The following SPACA7 variants were observed in gnomAD, a reference collection of about 807,000 sequenced individuals.
SPACA7 encodes the protein sperm acrosome associated 7.
In SPACA7, 19 loss-of-function variants were observed where a neutral mutation model predicts 26.3. The ratio of observed to expected loss-of-function variants is 0.72; its 90% CI spans 0.50 to 1.06. The LOEUF (loss-of-function observed/expected upper bound fraction) is 1.06. Among genes scored for constraint, SPACA7 ranks in the 50% least tolerant of loss-of-function variants. SPACA7 has a pLI of 0.00. For synonymous variants in SPACA7, 84 were observed against 84.5 expected (o/e 0.99, Z 0.04); for missense variants, 211 against 229.9 (o/e 0.92, Z 0.53).
intron 5 of SPACA7, among the ~76,000 whole-genome samples, chr13:112,404,504 A>G (rs568834891): frequency 6.6e-6 from 1 of 152,260 alleles, no homozygotes; most frequent in African/African-American, 2.4e-5. Flanking sequence ...AAATGTCTAG[A>G]AGGTTTTTTT....
intron 2 of SPACA7, among the ~76,000 whole-genome samples, chr13:112,395,053 G>A (rs1417863786): frequency 2.0e-5 from 3 of 152,222 alleles, no homozygotes; most frequent in Non-Finnish European, 4.4e-5. Flanking sequence ...AGAGCTTGCT[G>A]TGGGAGGGCA....
intron 5 of SPACA7, among the ~76,000 whole-genome samples, chr13:112,431,896 T>A (rs924581274): frequency 4.6e-5 from 7 of 152,308 alleles, no homozygotes; most frequent in Admixed American, 2.0e-4. Flanking sequence ...TGGGGGGACT[T>A]GGAGCCACTC....
In SPACA7 at chr13:112,383,064, CAGAA is replaced by C. The variant is rs1271270144; in HGVS notation, c.94+6589_94+6592del. The stretch of plus-strand genomic sequence containing the variant: ...AGAAAGACAGAAGGAAAGAAAGAGA[CAGAA>C]AGAGAAAGAAAGAAAAAGAAAGAAA... On this transcript the variant is annotated intron_variant, in intron 1 of 6. Transcript: ENST00000283550. Among the ~76,000 whole-genome samples the C allele has an allele frequency of 2.5e-4, 13 of 52,994 alleles. No individual in the cohort carries two copies. In the South Asian group the frequency reaches 7.5e-3, roughly 30 times the overall value. 34.8% of individuals were successfully genotyped at this position (52,994 alleles called of 152,430 possible). A position where few individuals can be genotyped will look rare whatever the true frequency, so the allele number is the denominator to read the frequency against.
intron 5 of SPACA7, among the ~76,000 whole-genome samples, chr13:112,425,468 A>G (rs868106035): frequency 6.6e-6 from 1 of 152,244 alleles, no homozygotes. Flanking sequence ...GAGTGCCCTG[A>G]CTCTGCTCCC....
rs897834625 is a variant in SPACA7, at chr13:112,399,911, G to C, written c.349+738G>C. Among the ~76,000 whole-genome samples, 3 of 152,300 alleles carry C rather than the reference G, an allele frequency of 2.0e-5. No individual in the cohort carries two copies. The East Asian group carries it at 5.8e-4, about 29-fold the overall frequency. ...TACATCTTCACATGGAGACAGGAGA[G>C]AGAGAGTGAAGGGGGAGGTGCCACA... is the stretch of plus-strand genomic sequence containing the variant. On this transcript the variant is annotated intron_variant, in intron 4 of 6. Transcript: ENST00000283550.
At position 112,399,020 on chromosome 13, in the gene SPACA7, A is replaced by G. The variant is rs531821845; in HGVS notation, c.242-46A>G. 6.0e-6 allele frequency: 7 copies of G among 1,174,712 alleles called. No individual in the cohort carries two copies. The South Asian group carries it at 7.5e-5, about 13-fold the overall frequency. 72.8% of individuals were successfully genotyped at this position (1,174,712 alleles called of 1,614,324 possible). A position where few individuals can be genotyped will look rare whatever the true frequency, so the allele number is the denominator to read the frequency against. On this transcript the variant is annotated intron_variant, in intron 3 of 6. Coordinates refer to ENST00000283550, the MANE Select transcript of SPACA7 (RefSeq NM_145248.5). Reference sequence around the variant, plus strand: ...GGGCCAAAAATGTTTATACCTGTGTAATCAAGAAAACTTTTCCCCATTTTT... The same window carrying G: ...GGGCCAAAAATGTTTATACCTGTGTGATCAAGAAAACTTTTCCCCATTTTT...
chr13:112,396,753 C>A (rs1295300213), intron 2 of SPACA7, among the ~76,000 whole-genome samples: 2 of 152,188 alleles, frequency 1.3e-5, no homozygotes, highest in Non-Finnish European at 2.9e-5. Context: ...TCCTGGGGCA[C>A]CCGCGGCTAA....
At chr13:112,407,768 C>G (rs1203818152) in intron 5 of SPACA7, among the ~76,000 whole-genome samples, 1 of 152,194 alleles carries the variant, frequency 6.6e-6, no homozygotes, top group Non-Finnish European at 1.5e-5. Flanking sequence ...GACGGATTCA[C>G]AGCCGAATTC....
intron 5 of SPACA7, among the ~76,000 whole-genome samples, chr13:112,407,939 T>C (rs557301563): frequency 2.0e-5 from 3 of 152,238 alleles, no homozygotes; most frequent in African/African-American, 7.2e-5. Context: ...TAGACCAATA[T>C]CCCTGATGAA....
At chr13:112,396,982 C>G (rs1885310533) in intron 2 of SPACA7, among the ~76,000 whole-genome samples, 1 of 152,186 alleles carries the variant, frequency 6.6e-6, no homozygotes, top group Non-Finnish European at 1.5e-5. Flanking sequence ...AGCTGGTAGA[C>G]TCCTCCTACC....
intron 5 of SPACA7, among the ~76,000 whole-genome samples, chr13:112,411,168 A>G (rs1327808545): frequency 6.9e-6 from 1 of 145,010 alleles, no homozygotes; most frequent in Non-Finnish European, 1.5e-5. Flanking sequence ...TGTTCTTTAA[A>G]TTATAAAAAA....
At chr13:112,389,214 C>T (rs1884723075) in intron 1 of SPACA7, among the ~76,000 whole-genome samples, 1 of 152,186 alleles carries the variant, frequency 6.6e-6, no homozygotes, top group African/African-American at 2.4e-5. Flanking sequence ...GGCCTATGCT[C>T]AGGAATAAGC....
chr13:112,391,574 G>A (rs17121045), intron 1 of SPACA7, among the ~76,000 whole-genome samples: 35,379 of 152,090 alleles, frequency 0.23, 4,316 homozygotes, highest in South Asian at 0.41. Context: ...ATTACATGGC[G>A]TGCGGCACCT....
intron 5 of SPACA7, among the ~76,000 whole-genome samples, 173 bp from the exon 6 acceptor site, chr13:112,432,271 G>C (rs1877224972): frequency 6.6e-6 from 1 of 152,230 alleles, no homozygotes. Context: ...AAATGTTTTT[G>C]ATGGCCTCGC....
chr13:112,388,982 T>A (rs1884708396), intron 1 of SPACA7, among the ~76,000 whole-genome samples: 1 of 152,210 alleles, frequency 6.6e-6, no homozygotes, highest in Non-Finnish European at 1.5e-5. Context: ...GTGCAGGTTC[T>A]GCAAAATATC....
In SPACA7 at chr13:112,434,605, C is replaced by G. The variant is rs1877558592; in HGVS notation, c.*56C>G. On this transcript the variant is annotated 3_prime_UTR_variant, in exon 7 of 7. Coordinates refer to ENST00000283550, the MANE Select transcript of SPACA7 (RefSeq NM_145248.5). The stretch of plus-strand genomic sequence containing the variant: ...AGGAGCCTGCTAGAACCCCCACCCA[C>G]CAGCCTCCGGAACAGGGCACTTGTG... 7.0e-7 allele frequency: 1 copy of G among 1,432,956 alleles called. No homozygotes were observed. The highest frequency in any genetic ancestry group is 1.4e-5 in the African/African-American group (1 of 71,040). The allele number at this position is 1,432,956 out of a possible 1,614,324, so 88.8% of individuals were successfully genotyped here. A position where few individuals can be genotyped will look rare whatever the true frequency, so the allele number is the denominator to read the frequency against.
intron 1 of SPACA7, among the ~76,000 whole-genome samples, chr13:112,383,133 GA>G (rs1199808228): frequency 0.012 from 36 of 3,120 alleles, no homozygotes; most frequent in African/African-American, 0.023. Flanking sequence ...AAGAAAGAAA[GA>G]AAGAAAGAAA....
intron 5 of SPACA7, among the ~76,000 whole-genome samples, chr13:112,424,150 C>G (rs963044810): frequency 5.9e-5 from 9 of 152,210 alleles, no homozygotes; most frequent in African/African-American, 2.2e-4. Flanking sequence ...TGAAGCGGAG[C>G]AGCCCCTACC....
intron 5 of SPACA7, among the ~76,000 whole-genome samples, chr13:112,414,388 C>CTTTTTGTTTT (rs1886545980): frequency 3.2e-5 from 1 of 31,376 alleles, no homozygotes; most frequent in Non-Finnish European, 5.8e-5. Flanking sequence ...TTTTCTGTGT[C>CTTTTTGTTTT]TTTTTTTTTT....
Sources: gnomAD v4.1 joint callset for allele counts (sites outside exome capture counted in the v4.1 genomes callset) on GRCh38, gnomAD v4.1.1 for gene constraint, MANE v1.5 for transcripts, NCBI Gene and HGNC (gene_info 2026-07-23, HGNC 2026-07-21) for gene names.